CFAP46: variants seen among roughly 807,000 people sequenced by gnomAD.
The protein encoded by CFAP46 is cilia- and flagella-associated protein 46.
In CFAP46, 245 loss-of-function variants were observed where a neutral mutation model predicts 325.7. The ratio of observed to expected loss-of-function variants is 0.75; its 90% CI spans 0.68 to 0.84. The LOEUF is 0.84. CFAP46 is among the 40% of genes least tolerant of loss of function. The pLI is 0.00. For synonymous variants in CFAP46, 1,523 were observed against 1,495.9 expected (o/e 1.02, Z -0.42); for missense variants, 3,346 against 3,543.0 (o/e 0.94, Z 1.41).
chr10:132,836,282 G>T, intron 45 of CFAP46, 64 bp from the exon 46 acceptor site: 1 of 1,513,340 alleles, frequency 6.6e-7, no homozygotes, highest in Non-Finnish European at 9.1e-7. Flanking sequence ...TCACAGCCCA[G>T]CTCCAGCGAC....
intron 19 of CFAP46, among the ~76,000 whole-genome samples, chr10:132,911,631 A>G (rs531554023): frequency 6.6e-6 from 1 of 152,336 alleles, no homozygotes; most frequent in South Asian, 2.1e-4. Context: ...TGGCTCATCA[A>G]ACACTTCTGC....
rs550471166 is a variant in CFAP46 at position 132,913,740 on chromosome 10, G to T, written c.2121-482C>A. Among the ~76,000 whole-genome samples the T allele has an allele frequency of 3.9e-5, 6 of 152,246 alleles. No individual in the cohort carries two copies. In the East Asian group the frequency reaches 1.2e-3, roughly 30 times the overall value. ...AAGAGAGTGTGGACTCTTCCTATGA[G>T]ACTCTCTTGTTTCCGGAAGTCTGTG... On this transcript the variant is annotated intron_variant, in intron 17 of 57. Transcript: ENST00000368586.
At chr10:132,829,587 G>A (rs146937979) in intron 50 of CFAP46, among the ~76,000 whole-genome samples, 2 of 152,302 alleles carry the variant, frequency 1.3e-5, no homozygotes, top group Non-Finnish European at 2.9e-5. Flanking sequence ...TGCAGTGAGC[G>A]GCCCTGCCTG....
At chr10:132,829,966 G>A (rs1271174435) in intron 50 of CFAP46, among the ~76,000 whole-genome samples, 1 of 151,590 alleles carries the variant, frequency 6.6e-6, no homozygotes, top group East Asian at 1.9e-4. Flanking sequence ...CTATAGCCAT[G>A]AGGCATATTG....
At chr10:132,812,435 G>A (rs1200440033) in intron 55 of CFAP46, among the ~76,000 whole-genome samples, 1 of 152,196 alleles carries the variant, frequency 6.6e-6, no homozygotes, top group Non-Finnish European at 1.5e-5. Context: ...TGACCAGCGC[G>A]GTCCTGAGCC....
At chr10:132,855,920 C>T (rs1848635202) in intron 39 of CFAP46, among the ~76,000 whole-genome samples, 2 of 152,114 alleles carry the variant, frequency 1.3e-5, no homozygotes, top group East Asian at 1.9e-4. Flanking sequence ...TTTACGTGTT[C>T]GAGGCTCTCC....
At chr10:132,820,547 G>A (rs566143839) in intron 50 of CFAP46, among the ~76,000 whole-genome samples, 1 of 146,286 alleles carries the variant, frequency 6.8e-6, no homozygotes, top group African/African-American at 2.5e-5. Context: ...ACTGATGTGT[G>A]CTGTGTGTGC....
intron 39 of CFAP46, among the ~76,000 whole-genome samples, chr10:132,852,682 G>A (rs931635430): frequency 3.3e-4 from 50 of 152,092 alleles, no homozygotes; most frequent in Admixed American, 3.3e-4. Flanking sequence ...AGTTACTTAG[G>A]CATTCTCAAA....
At chr10:132,833,652 GC>G in intron 49 of CFAP46, 127 bp from the exon 50 acceptor site, 1 of 905,996 alleles carries the variant, frequency 1.1e-6, no homozygotes, top group Non-Finnish European at 1.7e-6. Flanking sequence ...TTGACTCCAT[GC>G]CACCTCCTCC....
chr10:132,811,494 G>A (rs1259208191), intron 55 of CFAP46, among the ~76,000 whole-genome samples: 1 of 152,194 alleles, frequency 6.6e-6, no homozygotes, highest in Admixed American at 6.5e-5. Flanking sequence ...AGACATGGCA[G>A]GCTCCTGGGA....
At chr10:132,824,785 T>TGCTGATGTGTGCTGTCTGTGC (rs1284660326) in intron 50 of CFAP46, among the ~76,000 whole-genome samples, 1 of 130,432 alleles carries the variant, frequency 7.7e-6, no homozygotes, top group African/African-American at 3.1e-5. Flanking sequence ...GTTGTGTGAG[T>TGCTGATGTGTGCTGTCTGTGC]GCTGATGTGT....
At chr10:132,848,539 C>A (rs1848479820) in intron 41 of CFAP46, among the ~76,000 whole-genome samples, 1 of 151,732 alleles carries the variant, frequency 6.6e-6, no homozygotes, top group South Asian at 2.1e-4. Context: ...TCCGAGGGAA[C>A]CTGCATGGGT....
In CFAP46 at chr10:132,876,894, T is replaced by C. The variant is rs1420266796; in HGVS notation, c.4280A>G (p.Tyr1427Cys). 6.5e-7 allele frequency: 1 copy of C among 1,550,290 alleles called. No individual in the cohort carries two copies. Among genetic ancestry groups the C allele is most frequent in the Non-Finnish European group, 8.7e-7 (1 of 1,146,900 alleles). ...AGACAGCACTTCCTCGGGGCAGGAGTAGGAAGCCCACTCTTCTATGCTCAT... is the reference window on the plus strand; with the variant it reads ...AGACAGCACTTCCTCGGGGCAGGAGCAGGAAGCCCACTCTTCTATGCTCAT... ...LPMSIEEWASYSCPEEVLSVL... is the reference protein window; with the variant it reads ...LPMSIEEWASCSCPEEVLSVL... The change falls in exon 31 of 58, where the codon TAC becomes TGC. Residue 1427 changes from tyrosine to cysteine, a missense_variant. Coordinates refer to ENST00000368586, the MANE Select transcript of CFAP46 (RefSeq NM_001200049.3). This position sits in a 1 kb window ranked among gnomAD's most constrained non-coding sequence, Gnocchi z 4.1.
chr10:132,846,423 C>A (rs1228376102), intron 43 of CFAP46, among the ~76,000 whole-genome samples, 196 bp from the exon 44 acceptor site: 1 of 152,166 alleles, frequency 6.6e-6, no homozygotes, highest in Admixed American at 6.5e-5. Flanking sequence ...TCTGTGGGAC[C>A]TCTGTGAGGT....
rs200941339 is a variant in CFAP46 at position 132,880,922 on chromosome 10, G to T, written c.3738C>A (p.Val1246=). The T allele has an allele frequency of 1.9e-5, 30 of 1,550,348 alleles. No individual in the cohort carries two copies. Among genetic ancestry groups the T allele is most frequent in the Non-Finnish European group, 2.4e-5 (27 of 1,146,912 alleles). ...EDVVFHLRWA[V]EILLAMKPPG... ...GCGGCTTCATGGCCAGCAGGATCTC[G>T]ACAGCCCAGCGGAGGTGGAAGACCA... Residue 1246 remains valine, a synonymous_variant, in exon 28 of 58, where the codon GTC becomes GTA. Transcript: ENST00000368586.
rs1397782184 is a variant in CFAP46, at chr10:132,920,148, G to A, written c.1641C>T (p.Tyr547=). Residue 547 remains tyrosine (Y), a synonymous_variant, in exon 14 of 58, where the codon TAC becomes TAT. Transcript: ENST00000368586. ...STGKNRGRFT[Y]LCAKAWHHTV... ...TGTGGTGCCACGCCTTCGCACAGAG[G>A]TAGGTGAACCGGCCCCTGTTCTTCC... 2 of 1,548,228 alleles carry A rather than the reference G, an allele frequency of 1.3e-6. No individual in the cohort carries two copies. Among genetic ancestry groups the A allele is most frequent in the Non-Finnish European group, 8.7e-7 (1 of 1,146,144 alleles).
chr10:132,836,689 G>A (rs988684598), intron 45 of CFAP46, 128 bp downstream of exon 45: 31 of 790,544 alleles, frequency 3.9e-5, no homozygotes, highest in Admixed American at 1.0e-4. Context: ...GGGACTGTCC[G>A]GGCGTTTCCC....
At chr10:132,928,756 A>G (rs1849847573) in intron 9 of CFAP46, among the ~76,000 whole-genome samples, 2 of 152,176 alleles carry the variant, frequency 1.3e-5, no homozygotes, top group African/African-American at 4.8e-5. Flanking sequence ...AGTTTGCTCA[A>G]AACCATCCCT....
At chr10:132,843,644 G>A (rs12770244) in intron 44 of CFAP46, among the ~76,000 whole-genome samples, 6 of 65,514 alleles carry the variant, frequency 9.2e-5, no homozygotes, top group African/African-American at 1.5e-4. Context: ...CCAGGGTGCT[G>A]TGGGGCTCTG....
Sources: allele counts gnomAD v4.1 joint callset (sites outside exome capture counted in the v4.1 genomes callset), GRCh38; gene constraint gnomAD v4.1.1; non-coding constraint Gnocchi (gnomAD v3.1); transcripts MANE v1.5; gene names NCBI Gene and HGNC (gene_info 2026-07-23, HGNC 2026-07-21).